The following OTOF variants were observed in gnomAD, a reference collection of about 807,000 sequenced individuals.
OTOF encodes fer-1-like family member 2.
A neutral mutation model predicts 236.8 loss-of-function variants in OTOF; 218 were observed. That is an observed-to-expected ratio of 0.92 (90% CI 0.82 to 1.03). OTOF has a LOEUF of 1.03. Among genes scored for constraint, OTOF ranks in the 50% least tolerant of loss-of-function variants. The pLI, the probability that OTOF is intolerant of heterozygous loss-of-function variation, is 0.00. For missense variants in OTOF, 2,590 were observed against 2,694.4 expected, an observed-to-expected ratio of 0.96 and a Z score of 0.86; for synonymous variants, 1,041 against 1,072.5, an observed-to-expected ratio of 0.97 and a Z score of 0.57.
At chr2:26,494,851 G>T in intron 9 of OTOF, 91 bp downstream of exon 9, 1 of 1,495,782 alleles carries the variant, frequency 6.7e-7, no homozygotes, top group South Asian at 1.1e-5. Flanking sequence ...TGTGCTCCTT[G>T]ACTTCCAGCC....
Position 26,489,182 on chromosome 2 carries a change from C to T in OTOF, c.1045+29G>A, listed in dbSNP as rs747829043. On this transcript the variant is annotated intron_variant, in intron 11 of 46. Transcript: ENST00000272371. Reference sequence around the variant, plus strand: ...CACGCTCCCTGAGCCATGCACACCTCGACTGACTGGCCATGCGCAGGTACT... The same window carrying T: ...CACGCTCCCTGAGCCATGCACACCTTGACTGACTGGCCATGCGCAGGTACT... 1.0e-4 allele frequency: 156 copies of T among 1,546,150 alleles called. 1 individual carries two copies. The highest frequency in any genetic ancestry group is 2.7e-4 in the South Asian group (24 of 87,286).
chr2:26,516,624 G>C (rs1415683595), intron 4 of OTOF, 25 bp from the exon 5 acceptor site: 1 of 1,600,380 alleles, frequency 6.2e-7, no homozygotes, highest in Non-Finnish European at 8.5e-7. Flanking sequence ...GCGGTGGTGA[G>C]CAGCTGGGAT....
intron 39 of OTOF, among the ~76,000 whole-genome samples, 165 bp from the exon 40 acceptor site, chr2:26,464,271 G>T (rs1426460856): frequency 6.6e-6 from 1 of 152,100 alleles, no homozygotes; most frequent in Non-Finnish European, 1.5e-5. Context: ...GAAGTGGCTT[G>T]CCCAGGGTCT....
chr2:26,461,639 GC>G lies in OTOF; in HGVS notation c.5533+56del, dbSNP rs1371674382. On this transcript the variant is annotated intron_variant, in intron 43 of 46. Coordinates refer to ENST00000272371, the MANE Select transcript of OTOF (RefSeq NM_194248.3). This position sits in a 1 kb window ranked among gnomAD's most constrained non-coding sequence, Gnocchi z 6.2. ...GGCTCTCCCTGTCCCCGCCAACCCG[GC>G]CCCTGCCTCTTCTCAGTTCTGGATC... 14 of 1,607,818 alleles carry G rather than the reference GC, an allele frequency of 8.7e-6. No individual in the cohort carries two copies. The Admixed American group carries it at 2.0e-4, about 23-fold the overall frequency.
At chr2:26,545,748 C>T (rs1275762168) in intron 1 of OTOF, among the ~76,000 whole-genome samples, 1 of 152,112 alleles carries the variant, frequency 6.6e-6, no homozygotes, top group Non-Finnish European at 1.5e-5. Flanking sequence ...GTTTGAAGTT[C>T]ATTTTTTCTC....
At chr2:26,540,732 T>C (rs987748790) in intron 1 of OTOF, among the ~76,000 whole-genome samples, 1 of 150,462 alleles carries the variant, frequency 6.6e-6, no homozygotes, top group African/African-American at 2.5e-5. Context: ...TTCGTGTGTG[T>C]GTTTTGGGGC....
chr2:26,519,173 C>A lies in OTOF; in HGVS notation c.228-64G>T, dbSNP rs1558511661. ...AGACCAGGGTGAGGAGCAAGACTGA[C>A]ATCCCAAGGGCTGTGACTGCTTGGG... On this transcript the variant is annotated intron_variant, in intron 3 of 46. Coordinates refer to ENST00000272371, the MANE Select transcript of OTOF (RefSeq NM_194248.3). 2.7e-6 allele frequency: 3 copies of A among 1,099,096 alleles called. No individual in the cohort carries two copies. In the East Asian group the frequency reaches 7.6e-5, roughly 28 times the overall value. The allele number at this position is 1,099,096 out of a possible 1,614,324, so 68.1% of individuals were successfully genotyped here. A position where few individuals can be genotyped will look rare whatever the true frequency, so the allele number is the denominator to read the frequency against.
intron 5 of OTOF, among the ~76,000 whole-genome samples, chr2:26,514,625 T>C (rs1052573396): frequency 2.0e-4 from 31 of 152,228 alleles, no homozygotes; most frequent in Admixed American, 9.8e-4. Flanking sequence ...CATGGGTCCC[T>C]TAGGACCTCA....
At chr2:26,475,012 CGGA>C (rs942540284) in intron 25 of OTOF, among the ~76,000 whole-genome samples, 7 of 151,998 alleles carry the variant, frequency 4.6e-5, no homozygotes, top group African/African-American at 1.4e-4. Context: ...AGAACCTCCA[CGGA>C]GGATGGCAAG....
intron 2 of OTOF, among the ~76,000 whole-genome samples, chr2:26,533,111 T>C (rs1666988735): frequency 6.6e-6 from 1 of 152,164 alleles, no homozygotes; most frequent in Non-Finnish European, 1.5e-5. Context: ...AGTGACAGCA[T>C]TAGATTCTCA....
At chr2:26,489,848 G>A in intron 9 of OTOF, 108 bp from the exon 10 acceptor site, 1 of 832,288 alleles carries the variant, frequency 1.2e-6, no homozygotes, top group Non-Finnish European at 2.1e-6. Context: ...CCAGACATTT[G>A]CCCTGAGCCC....
chr2:26,507,787 C>T (rs998022721), intron 5 of OTOF, among the ~76,000 whole-genome samples: 9 of 152,166 alleles, frequency 5.9e-5, no homozygotes, highest in African/African-American at 1.9e-4. Context: ...TTTCCTGTGG[C>T]TACATTCACC....
At position 26,502,367 on chromosome 2, in the gene OTOF, C is replaced by T; in HGVS notation, c.643G>A (p.Gly215Arg). The T allele has an allele frequency of 6.2e-7, 1 of 1,613,932 alleles. No homozygotes were observed. The highest frequency in any genetic ancestry group is 8.5e-7 in the Non-Finnish European group (1 of 1,179,904). Reference sequence around the variant, plus strand: ...AGAGACACCGAGTCGGGATCCAGTCCATCTCCTAGCCGAATGGCCAGATGG... The same window carrying T: ...AGAGACACCGAGTCGGGATCCAGTCTATCTCCTAGCCGAATGGCCAGATGG... The part of the protein sequence containing the change: ...LDHLAIRLGD[G>R]LDPDSVSLAS... Residue 215 changes from glycine (G) to arginine (R), a missense_variant, in exon 7 of 47, where the codon GGA (glycine) becomes AGA (arginine). By Grantham distance (125) the Gly-to-Arg change is moderately radical. Coordinates refer to ENST00000272371, the MANE Select transcript of OTOF (RefSeq NM_194248.3).
intron 25 of OTOF, among the ~76,000 whole-genome samples, chr2:26,474,897 T>C (rs1665178800): frequency 6.6e-6 from 1 of 151,804 alleles, no homozygotes; most frequent in Non-Finnish European, 1.5e-5. Flanking sequence ...GAGGTCCTCC[T>C]ACCTCTAGTC....
intron 6 of OTOF, among the ~76,000 whole-genome samples, chr2:26,503,082 G>A (rs1666156402): frequency 6.6e-6 from 1 of 152,222 alleles, no homozygotes; most frequent in Non-Finnish European, 1.5e-5. Context: ...GGGGCAAGAG[G>A]GTGGGGGAGA....
chr2:26,531,566 C>A (rs1666949433), intron 2 of OTOF, among the ~76,000 whole-genome samples: 1 of 152,230 alleles, frequency 6.6e-6, no homozygotes, highest in Non-Finnish European at 1.5e-5. Context: ...CCTCCCTCCC[C>A]TTCGCCGCCA....
In OTOF at chr2:26,484,743, A is replaced by C. The variant is rs1427000079; in HGVS notation, c.1046-110T>G. The C allele has an allele frequency of 3.6e-6, 4 of 1,119,612 alleles. No homozygotes were observed. In the Admixed American group the frequency reaches 8.0e-5, roughly 22 times the overall value. 69.4% of individuals were successfully genotyped at this position (1,119,612 alleles called of 1,614,324 possible). On this transcript the variant is annotated intron_variant, in intron 11 of 46. Transcript: ENST00000272371. ...AACCAAATGCTGTCTTGGTCCCTAG[A>C]GTCCCGGGACCTGGGGCCACAGCTC...
intron 9 of OTOF, among the ~76,000 whole-genome samples, chr2:26,491,651 C>A (rs980690598): frequency 3.3e-5 from 5 of 152,204 alleles, no homozygotes; most frequent in South Asian, 2.1e-4. Context: ...TGGTGGCGCT[C>A]CCAAGATGCC....
chr2:26,503,208 T>G (rs941629999), intron 6 of OTOF, among the ~76,000 whole-genome samples: 1 of 152,172 alleles, frequency 6.6e-6, no homozygotes, highest in African/African-American at 2.4e-5. Context: ...TCCTCTCCAT[T>G]TCTCCCCTTG....
Sources: gnomAD v4.1 joint callset for allele counts (sites outside exome capture counted in the v4.1 genomes callset) on GRCh38, gnomAD v4.1.1 for gene constraint, Gnocchi (gnomAD v3.1) non-coding constraint, MANE v1.5 for transcripts, NCBI Gene and HGNC (gene_info 2026-07-23, HGNC 2026-07-21) for gene names.